Variants in CMSS1 observed in about 807,000 individuals in gnomAD.
The protein encoded by CMSS1 is cms1 ribosomal small subunit homolog.
A neutral mutation model predicts 43.5 loss-of-function variants in CMSS1; 33 were observed. The observed-to-expected ratio is 0.76, with a 90% CI of 0.57 to 1.01. The LOEUF (loss-of-function observed/expected upper bound fraction) is 1.01. Among genes scored for constraint, CMSS1 ranks in the 50% least tolerant of loss-of-function variants. The pLI is 0.00. For missense variants in CMSS1, 313 were observed against 326.4 expected, an observed-to-expected ratio of 0.96 and a Z score of 0.32; for synonymous variants, 115 against 117.2, an observed-to-expected ratio of 0.98 and a Z score of 0.12.
At chr3:99,953,172 T>C (rs1320836739) in intron 1 of CMSS1, among the ~76,000 whole-genome samples, 2 of 152,354 alleles carry the variant, frequency 1.3e-5, no homozygotes, top group Non-Finnish European at 2.9e-5. Flanking sequence ...TATTATCTTT[T>C]TGTATTTCAT....
At chr3:100,005,716 G>A (rs1000753007) in intron 1 of CMSS1, among the ~76,000 whole-genome samples, 33 of 152,298 alleles carry the variant, frequency 2.2e-4, no homozygotes, top group South Asian at 1.0e-3. Context: ...CACAGAAAAT[G>A]TTAGCAGTCA....
At chr3:99,920,583 A>T (rs1707094454) in intron 1 of CMSS1, among the ~76,000 whole-genome samples, 1 of 152,218 alleles carries the variant, frequency 6.6e-6, no homozygotes, top group Non-Finnish European at 1.5e-5. Flanking sequence ...ATATGGACAG[A>T]CCAAACCGCA....
chr3:100,105,888 C>G (rs2066386511), intron 1 of CMSS1, among the ~76,000 whole-genome samples: 1 of 151,966 alleles, frequency 6.6e-6, no homozygotes, highest in Admixed American at 6.6e-5. Context: ...CAAACAAAAA[C>G]TTTTTTTTAA....
chr3:99,974,155 A>G (rs116240439), intron 1 of CMSS1, among the ~76,000 whole-genome samples: 1,525 of 152,304 alleles, frequency 0.01, 14 homozygotes, highest in Non-Finnish European at 0.016. Context: ...GCTTGTAGGT[A>G]TTGGACAATA....
At chr3:99,847,846 G>T in intron 1 of CMSS1, 1 of 631,298 alleles carries the variant, frequency 1.6e-6, no homozygotes, top group Non-Finnish European at 2.0e-6. Context: ...AATTAATAGA[G>T]ACTATAAGCA....
intron 1 of CMSS1, among the ~76,000 whole-genome samples, chr3:99,828,373 A>G (rs1044514945): frequency 1.4e-5 from 2 of 145,564 alleles, no homozygotes; most frequent in African/African-American, 2.5e-5. Context: ...TACCTGCTCT[A>G]TGTGAGGCAC....
chr3:100,047,514 G>A (rs1467027127), intron 1 of CMSS1, among the ~76,000 whole-genome samples: 1 of 152,082 alleles, frequency 6.6e-6, no homozygotes, highest in Non-Finnish European at 1.5e-5. Context: ...AACCAGCGAG[G>A]GTCATAAAGC....
chr3:99,879,784 A>G (rs1705659351), intron 1 of CMSS1, among the ~76,000 whole-genome samples: 1 of 152,228 alleles, frequency 6.6e-6, no homozygotes, highest in Admixed American at 6.5e-5. Context: ...AAACACTGTC[A>G]TGTACAAAGA....
intron 1 of CMSS1, among the ~76,000 whole-genome samples, chr3:100,052,825 AAATT>A (rs1559740592): frequency 6.6e-6 from 1 of 152,246 alleles, no homozygotes; most frequent in Non-Finnish European, 1.5e-5. Flanking sequence ...AGTTATAAAT[AAATT>A]CATATTTGAT....
chr3:99,826,733 T>C (rs912142853), intron 1 of CMSS1, among the ~76,000 whole-genome samples: 13 of 152,196 alleles, frequency 8.5e-5, no homozygotes, highest in Non-Finnish European at 1.9e-4. Flanking sequence ...ATTAGACCAG[T>C]CACATATCTG....
chr3:100,127,401 C>T (rs915303951), intron 1 of CMSS1, among the ~76,000 whole-genome samples: 2 of 152,176 alleles, frequency 1.3e-5, no homozygotes, highest in African/African-American at 2.4e-5. Context: ...GAGACAATGT[C>T]GTCTTTCCCA....
intron 1 of CMSS1, among the ~76,000 whole-genome samples, chr3:100,056,167 A>G (rs1220188358): frequency 6.6e-6 from 1 of 152,206 alleles, no homozygotes; most frequent in African/African-American, 2.4e-5. Flanking sequence ...TGCATTTTAC[A>G]TTACAAAAAT....
chr3:99,872,929 T>A (rs896214745), intron 1 of CMSS1, among the ~76,000 whole-genome samples: 35 of 151,910 alleles, frequency 2.3e-4, no homozygotes, highest in African/African-American at 8.2e-4. Context: ...TTTTTTTTTT[T>A]TAAAAAAAGG....
chr3:100,095,112 CAGTACAT>C (rs1313656592), intron 1 of CMSS1, among the ~76,000 whole-genome samples: 4 of 152,118 alleles, frequency 2.6e-5, no homozygotes, highest in African/African-American at 9.7e-5. Flanking sequence ...ATCCCTTTAC[CAGTACAT>C]ACAGTCTTGA....
chr3:99,987,825 A>C (rs931761834), intron 1 of CMSS1, among the ~76,000 whole-genome samples: 14 of 152,220 alleles, frequency 9.2e-5, no homozygotes, highest in Admixed American at 3.3e-4. Flanking sequence ...TTATTAACTT[A>C]AAAAATAACA....
chr3:99,850,747 A>G lies in CMSS1; in HGVS notation c.64+32704A>G, dbSNP rs920270478. 5 of 1,614,140 alleles carry G rather than the reference A, an allele frequency of 3.1e-6. No individual in the cohort carries two copies. The highest frequency in any genetic ancestry group is 4.2e-6 in the Non-Finnish European group (5 of 1,180,042). On this transcript the variant is annotated intron_variant, in intron 1 of 9. Coordinates refer to ENST00000421999, the MANE Select transcript of CMSS1 (RefSeq NM_032359.4). Reference sequence around the variant, plus strand: ...ACTGTCCTCATTGGTGAGCTTCGCCATAATTGTGTCTTGGTCTTGGTGAAA... The same window carrying G: ...ACTGTCCTCATTGGTGAGCTTCGCCGTAATTGTGTCTTGGTCTTGGTGAAA...
chr3:99,998,417 G>A (rs1048329574), intron 1 of CMSS1, among the ~76,000 whole-genome samples: 2 of 152,100 alleles, frequency 1.3e-5, no homozygotes, highest in Admixed American at 6.5e-5. Flanking sequence ...TTCTTTGAGT[G>A]GGGTAAACTA....
At chr3:100,171,103 T>C (rs1210390836) in intron 6 of CMSS1, among the ~76,000 whole-genome samples, 4 of 152,154 alleles carry the variant, frequency 2.6e-5, no homozygotes, top group African/African-American at 9.7e-5. Context: ...TCACCCCTGC[T>C]TCCCAGATCA....
intron 1 of CMSS1, among the ~76,000 whole-genome samples, chr3:99,985,759 T>A (rs1313376819): frequency 6.6e-6 from 1 of 152,134 alleles, no homozygotes; most frequent in Non-Finnish European, 1.5e-5. Flanking sequence ...CAGCTGGTTT[T>A]TGTATTTTTA....
Sources: gnomAD v4.1 joint callset for allele counts (sites outside exome capture counted in the v4.1 genomes callset) on GRCh38, gnomAD v4.1.1 for gene constraint, MANE v1.5 for transcripts, NCBI Gene and HGNC (gene_info 2026-07-23, HGNC 2026-07-21) for gene names.